The following AXDND1 variants were observed in gnomAD, a reference collection of about 807,000 sequenced individuals.
AXDND1 encodes the protein axonemal dynein light chain domain containing 1, also known as axonemal dynein light chain domain-containing protein 1.
AXDND1 carries 110 observed loss-of-function variants against 137.5 expected under a neutral mutation model. The observed-to-expected ratio is 0.80, with a 90% CI of 0.69 to 0.94. The LOEUF (loss-of-function observed/expected upper bound fraction) is 0.94, where lower values mean the gene tolerates loss of function less well. AXDND1 is among the 40% of genes least tolerant of loss of function. The pLI is 0.00. For missense variants in AXDND1, 1,191 were observed against 1,169.8 expected, an observed-to-expected ratio of 1.02 and a Z score of -0.26; for synonymous variants, 414 against 399.7, an observed-to-expected ratio of 1.04 and a Z score of -0.43.
chr1:179,496,516 C>T (rs1240856053), intron 20 of AXDND1, among the ~76,000 whole-genome samples: 1 of 151,930 alleles, frequency 6.6e-6, no homozygotes, highest in Non-Finnish European at 1.5e-5. Flanking sequence ...ACAATATTCC[C>T]TTATTATTCT....
At chr1:179,462,804 A>G (rs10913778) in intron 16 of AXDND1, among the ~76,000 whole-genome samples, 35,072 of 151,934 alleles carry the variant, frequency 0.23, 4,368 homozygotes, top group East Asian at 0.35. Flanking sequence ...TTCAGAACCC[A>G]TTATTGGTCT....
At position 179,533,885 on chromosome 1, in the gene AXDND1, T is replaced by C. The variant is rs1240348157; in HGVS notation, c.2798+8T>C. ...TATGCAGGAGAAGTTACTGTAAGTA[T>C]GAGTCAACACAATGGTAAGAGGATG... On this transcript the variant is annotated splice_region_variant and intron_variant, in intron 24 of 25. Coordinates refer to ENST00000367618, the MANE Select transcript of AXDND1 (RefSeq NM_144696.6). The C allele has an allele frequency of 7.5e-6, 12 of 1,608,602 alleles. No individual in the cohort carries two copies. Among genetic ancestry groups the C allele is most frequent in the Non-Finnish European group, 6.8e-6 (8 of 1,175,410 alleles).
chr1:179,494,580 C>T (rs1175501639), intron 20 of AXDND1, among the ~76,000 whole-genome samples: 6 of 148,776 alleles, frequency 4.0e-5, no homozygotes, highest in East Asian at 3.9e-4. Context: ...TACTATGTTG[C>T]GTAGGCTGGA....
At chr1:179,464,645 A>T (rs566016669) in intron 16 of AXDND1, among the ~76,000 whole-genome samples, 1 of 152,118 alleles carries the variant, frequency 6.6e-6, no homozygotes, top group East Asian at 1.9e-4. Context: ...GTATTTCCTG[A>T]ATTTGAATGT....
At chr1:179,441,229 G>A (rs1658939598) in intron 15 of AXDND1, among the ~76,000 whole-genome samples, 1 of 152,186 alleles carries the variant, frequency 6.6e-6, no homozygotes, top group Non-Finnish European at 1.5e-5. Flanking sequence ...CAAGGACAAA[G>A]TCCTGCGTTT....
chr1:179,524,296 T>G (rs1369750916), intron 21 of AXDND1, among the ~76,000 whole-genome samples: 1 of 152,228 alleles, frequency 6.6e-6, no homozygotes, highest in Non-Finnish European at 1.5e-5. Context: ...TAGCATTTTA[T>G]GTAACTGGGT....
At chr1:179,394,539 A>G (rs12724694) in intron 10 of AXDND1, among the ~76,000 whole-genome samples, 43,398 of 150,722 alleles carry the variant, frequency 0.29, 6,453 homozygotes, top group Non-Finnish European at 0.31. Context: ...GCAGTGAGCC[A>G]AGATCATGCC....
intron 4 of AXDND1, among the ~76,000 whole-genome samples, chr1:179,375,241 G>T (rs1327981427): frequency 6.6e-6 from 1 of 151,736 alleles, no homozygotes; most frequent in East Asian, 1.9e-4. Context: ...TGGGATGACA[G>T]GTGCCTGCCA....
chr1:179,464,286 A>G (rs1284212495), intron 16 of AXDND1, among the ~76,000 whole-genome samples: 5 of 152,132 alleles, frequency 3.3e-5, no homozygotes, highest in Non-Finnish European at 7.3e-5. Flanking sequence ...TGCTTCCTTC[A>G]GGAGCTCTTG....
Position 179,378,679 on chromosome 1 carries a change from G to T in AXDND1, c.417G>T (p.Gln139His). 6.3e-7 allele frequency: 1 copy of T among 1,598,706 alleles called. No individual in the cohort carries two copies. Residue 139 changes from glutamine to histidine, a missense_variant, in exon 5 of 26, where the codon CAG becomes CAT. Transcript: ENST00000367618. ...FLYDVTYAKG[Q>H]TREKAVCPPH... ...ACGATGTAACATATGCCAAAGGACAGACTAGGGAGAAGGCAGTTTGTCCCC... is the reference window on the plus strand; with the variant it reads ...ACGATGTAACATATGCCAAAGGACATACTAGGGAGAAGGCAGTTTGTCCCC...
intron 16 of AXDND1, among the ~76,000 whole-genome samples, chr1:179,465,570 T>G (rs4317772): frequency 0.17 from 25,574 of 152,224 alleles, 2,510 homozygotes; most frequent in East Asian, 0.35. Context: ...TCGGGGGTCA[T>G]GGACCCACTT....
At chr1:179,460,499 A>G (rs1318055931) in intron 16 of AXDND1, among the ~76,000 whole-genome samples, 1 of 152,172 alleles carries the variant, frequency 6.6e-6, no homozygotes, top group Non-Finnish European at 1.5e-5. Flanking sequence ...GAATAGTGCC[A>G]CAATAAACGT....
chr1:179,443,684 C>A (rs113477581), intron 15 of AXDND1, among the ~76,000 whole-genome samples: 3,760 of 152,266 alleles, frequency 0.025, 156 homozygotes, highest in African/African-American at 0.084. Flanking sequence ...TTATTTCCCT[C>A]AGCATAATGT....
chr1:179,366,624 T>A lies in AXDND1; in HGVS notation c.97+18T>A. On this transcript the variant is annotated intron_variant, in intron 2 of 25. Coordinates refer to ENST00000367618, the MANE Select transcript of AXDND1 (RefSeq NM_144696.6). ...GACAAGAGGTAAACTTCGTTGATTC[T>A]GAAGTCATAAACAGTCATGGCCGTA... 1.9e-6 allele frequency: 3 copies of A among 1,579,038 alleles called. No individual in the cohort carries two copies. Among genetic ancestry groups the A allele is most frequent in the Non-Finnish European group, 2.6e-6 (3 of 1,148,500 alleles).
At chr1:179,399,016 G>C (rs992386748) in intron 11 of AXDND1, among the ~76,000 whole-genome samples, 5 of 152,194 alleles carry the variant, frequency 3.3e-5, no homozygotes, top group South Asian at 2.1e-4. Context: ...GGGCATTGCT[G>C]TGGGCCTGGG....
intron 11 of AXDND1, among the ~76,000 whole-genome samples, chr1:179,396,967 A>C (rs1651169888): frequency 6.6e-6 from 1 of 152,192 alleles, no homozygotes; most frequent in Non-Finnish European, 1.5e-5. Context: ...TAATCAGGAC[A>C]TTTAGCCCAT....
intron 25 of AXDND1, among the ~76,000 whole-genome samples, chr1:179,539,015 C>T (rs1671833827): frequency 6.6e-6 from 1 of 151,226 alleles, no homozygotes; most frequent in African/African-American, 2.4e-5. Flanking sequence ...GGATTTCAAC[C>T]CCTTTTTTTT....
At chr1:179,516,807 C>T (rs534132697) in intron 21 of AXDND1, among the ~76,000 whole-genome samples, 29 of 152,266 alleles carry the variant, frequency 1.9e-4, no homozygotes, top group African/African-American at 5.5e-4. Context: ...TGATGTGAAC[C>T]GTCTATGGCT....
Position 179,554,642 on chromosome 1 carries a change from G to C in AXDND1, c.*123G>C. 1 of 1,448,894 alleles carries C rather than the reference G, an allele frequency of 6.9e-7. No homozygotes were observed. Among genetic ancestry groups the C allele is most frequent in the Non-Finnish European group, 9.7e-7 (1 of 1,032,850 alleles). The allele number at this position is 1,448,894 out of a possible 1,614,324, so 89.8% of individuals were successfully genotyped here. A position where few individuals can be genotyped will look rare whatever the true frequency, so the allele number is the denominator to read the frequency against. On this transcript the variant is annotated 3_prime_UTR_variant, in exon 26 of 26. Transcript: ENST00000367618. ...TAAGGAACAACATTCCCTTTGAAAG[G>C]ACATTATTTGCCTGTTGTATTTAAC...
Sources: gnomAD v4.1 joint callset for allele counts (sites outside exome capture counted in the v4.1 genomes callset) on GRCh38, gnomAD v4.1.1 for gene constraint, MANE v1.5 for transcripts, NCBI Gene and HGNC (gene_info 2026-07-23, HGNC 2026-07-21) for gene names.